Variants in GALNTL6 observed in about 807,000 individuals in gnomAD.
GALNTL6 encodes the protein polypeptide N-acetylgalactosaminyltransferase like 6.
In GALNTL6, 46 loss-of-function variants were observed where a neutral mutation model predicts 73.7. The observed-to-expected ratio is 0.62, with a 90% CI of 0.49 to 0.80. The LOEUF (loss-of-function observed/expected upper bound fraction) is 0.80, where lower values mean the gene tolerates loss of function less well. GALNTL6 is among the 30% of genes least tolerant of loss of function. The pLI, the probability that GALNTL6 is intolerant of heterozygous loss-of-function variation, is 0.00. For synonymous variants in GALNTL6, 259 were observed against 263.7 expected (o/e 0.98, Z 0.17); for missense variants, 604 against 755.0 (o/e 0.80, Z 2.34).
intron 2 of GALNTL6, among the ~76,000 whole-genome samples, chr4:172,094,942 T>G (rs1459661354): frequency 6.6e-6 from 1 of 151,854 alleles, no homozygotes; most frequent in Non-Finnish European, 1.5e-5. Context: ...AATCCCATAG[T>G]TTTTTGTTTT....
At chr4:172,868,709 A>T (rs1744780298) in intron 7 of GALNTL6, among the ~76,000 whole-genome samples, 1 of 152,228 alleles carries the variant, frequency 6.6e-6, no homozygotes, top group Admixed American at 6.5e-5. Flanking sequence ...TGTGCTGGGC[A>T]CCCGTGGGAC....
chr4:172,523,910 C>T (rs1734866541), intron 5 of GALNTL6, among the ~76,000 whole-genome samples: 1 of 152,090 alleles, frequency 6.6e-6, no homozygotes, highest in Admixed American at 6.5e-5. Context: ...ACAAAAAGAA[C>T]TATCAGGTAA....
At chr4:172,722,670 A>G (rs544869347) in intron 5 of GALNTL6, among the ~76,000 whole-genome samples, 1 of 152,340 alleles carries the variant, frequency 6.6e-6, no homozygotes, top group South Asian at 2.1e-4. Flanking sequence ...GTACCATACC[A>G]TAAGTGAACT....
chr4:172,295,247 C>A (rs1324096796), intron 3 of GALNTL6, among the ~76,000 whole-genome samples: 1 of 151,996 alleles, frequency 6.6e-6, no homozygotes, highest in Non-Finnish European at 1.5e-5. Context: ...TATGGCAAAA[C>A]TCTTTCTACT....
intron 7 of GALNTL6, among the ~76,000 whole-genome samples, chr4:172,868,681 C>A (rs968637188): frequency 2.1e-4 from 32 of 152,222 alleles, no homozygotes; most frequent in African/African-American, 7.7e-4. Context: ...GTCTCTGAAA[C>A]TCCTAATGGA....
At chr4:172,632,395 T>C (rs1739436809) in intron 5 of GALNTL6, among the ~76,000 whole-genome samples, 1 of 152,094 alleles carries the variant, frequency 6.6e-6, no homozygotes, top group South Asian at 2.1e-4. Context: ...GAAATCTAGG[T>C]TGAGGCGGTC....
At chr4:172,753,553 T>G (rs1362769509) in intron 5 of GALNTL6, among the ~76,000 whole-genome samples, 2 of 152,176 alleles carry the variant, frequency 1.3e-5, no homozygotes, top group African/African-American at 4.8e-5. Context: ...TTAAGACTAT[T>G]GCAAGATTTC....
intron 5 of GALNTL6, among the ~76,000 whole-genome samples, chr4:172,770,960 G>A (rs1407123632): frequency 6.6e-6 from 1 of 152,132 alleles, no homozygotes; most frequent in African/African-American, 2.4e-5. Context: ...TATTGGCATT[G>A]ACAGAAGAAA....
intron 11 of GALNTL6, 104 bp from the exon 12 acceptor site, chr4:173,021,372 A>G (rs1211121883): frequency 1.7e-6 from 2 of 1,178,782 alleles, no homozygotes; most frequent in African/African-American, 3.0e-5. Flanking sequence ...GGCAGATCAC[A>G]AAGCAGGAGT....
intron 5 of GALNTL6, among the ~76,000 whole-genome samples, chr4:172,790,786 CAG>C (rs995200154): frequency 4.6e-5 from 7 of 150,840 alleles, no homozygotes; most frequent in Non-Finnish European, 7.4e-5. Flanking sequence ...CCCAGCTACT[CAG>C]AGGCTGAGGC....
At chr4:171,997,100 C>T (rs1740517356) in intron 2 of GALNTL6, among the ~76,000 whole-genome samples, 1 of 152,054 alleles carries the variant, frequency 6.6e-6, no homozygotes, top group African/African-American at 2.4e-5. Flanking sequence ...GGAAAGGAGA[C>T]TTGGAATAGG....
At chr4:172,175,298 T>A (rs10025345) in intron 2 of GALNTL6, among the ~76,000 whole-genome samples, 5,715 of 152,132 alleles carry the variant, frequency 0.038, 344 homozygotes, top group African/African-American at 0.13. Flanking sequence ...ACTCCTGAAC[T>A]CAGGTGATCC....
chr4:172,214,568 G>A (rs546217320), intron 2 of GALNTL6, among the ~76,000 whole-genome samples: 2 of 146,294 alleles, frequency 1.4e-5, no homozygotes, highest in East Asian at 4.1e-4. Context: ...AGGCTGGAGT[G>A]CAGTGGCGTG....
chr4:172,373,138 A>C (rs1298502002), intron 5 of GALNTL6, among the ~76,000 whole-genome samples: 1 of 152,240 alleles, frequency 6.6e-6, no homozygotes, highest in Non-Finnish European at 1.5e-5. Flanking sequence ...ATCTTGGGCC[A>C]GTGCCTGACC....
chr4:171,963,126 C>T (rs944420216), intron 2 of GALNTL6, among the ~76,000 whole-genome samples: 2 of 150,542 alleles, frequency 1.3e-5, no homozygotes, highest in Non-Finnish European at 2.9e-5. Flanking sequence ...AGAAGTGCAT[C>T]ATTTTTAGTA....
At chr4:172,491,464 T>C (rs1733890456) in intron 5 of GALNTL6, among the ~76,000 whole-genome samples, 2 of 152,134 alleles carry the variant, frequency 1.3e-5, no homozygotes. Context: ...GACTGTGTGT[T>C]ATTACTCATC....
chr4:171,933,328 C>T (rs1428163585), intron 2 of GALNTL6, among the ~76,000 whole-genome samples: 2 of 151,942 alleles, frequency 1.3e-5, no homozygotes, highest in African/African-American at 4.8e-5. Context: ...ATAGAAAGAC[C>T]TGGGTGCTGT....
chr4:172,262,683 C>A (rs1375778501), intron 3 of GALNTL6, among the ~76,000 whole-genome samples: 1 of 150,988 alleles, frequency 6.6e-6, no homozygotes. Context: ...GCCTAAATAT[C>A]TTGGTTTTTG....
chr4:172,697,783 T>A (rs12647340), intron 5 of GALNTL6, among the ~76,000 whole-genome samples: 64,774 of 151,972 alleles, frequency 0.43, 16,022 homozygotes, highest in East Asian at 0.68. Flanking sequence ...TCTTTAGACT[T>A]ACAACAGGAT....
Sources: allele counts gnomAD v4.1 joint callset (sites outside exome capture counted in the v4.1 genomes callset), GRCh38; gene constraint gnomAD v4.1.1; transcripts MANE v1.5; gene names NCBI Gene and HGNC (gene_info 2026-07-23, HGNC 2026-07-21).